The following CEP85L variants were observed in gnomAD, a reference collection of about 807,000 sequenced individuals.
The protein encoded by CEP85L is centrosomal protein of 85 kDa-like.
A neutral mutation model predicts 100.3 loss-of-function variants in CEP85L; 60 were observed. The observed-to-expected ratio is 0.60, with a 90% CI of 0.49 to 0.74. The LOEUF is 0.74. Ranked by LOEUF, CEP85L falls within the 30% of genes least tolerant of loss-of-function variation. The pLI, the probability that CEP85L is intolerant of heterozygous loss-of-function variation, is 0.00. For synonymous variants in CEP85L, 319 were observed against 322.7 expected (o/e 0.99, Z 0.12); for missense variants, 973 against 936.2 (o/e 1.04, Z -0.51).
At chr6:118,536,546 A>T (rs576970062) in intron 3 of CEP85L, among the ~76,000 whole-genome samples, 1 of 152,328 alleles carries the variant, frequency 6.6e-6, no homozygotes, top group East Asian at 1.9e-4. Context: ...AGGGAAATAA[A>T]GGCCTCATCT....
chr6:118,462,672 T>A lies in CEP85L; in HGVS notation c.*2733A>T, dbSNP rs1436470656. Reference sequence around the variant, plus strand: ...AATTTTCATTTCAGGAATATATTGGTGTCATAACTTCCACGAACATCCTAG... The same window carrying A: ...AATTTTCATTTCAGGAATATATTGGAGTCATAACTTCCACGAACATCCTAG... On this transcript the variant is annotated 3_prime_UTR_variant, in exon 13 of 13. Transcript: ENST00000368491. 1 of 151,964 alleles carries A rather than the reference T, an allele frequency of 6.6e-6. No individual in the cohort carries two copies. Among genetic ancestry groups the A allele is most frequent in the African/African-American group, 2.4e-5 (1 of 41,426 alleles). 9.4% of individuals were successfully genotyped at this position (151,964 alleles called of 1,614,324 possible).
chr6:118,576,271 G>C (rs1780227516), intron 2 of CEP85L, among the ~76,000 whole-genome samples: 1 of 152,262 alleles, frequency 6.6e-6, no homozygotes, highest in East Asian at 1.9e-4. Context: ...CTCCTAGCGA[G>C]ATTACATCCT....
chr6:118,493,990 A>G (rs767351172), intron 5 of CEP85L, among the ~76,000 whole-genome samples: 1 of 152,192 alleles, frequency 6.6e-6, no homozygotes, highest in Non-Finnish European at 1.5e-5. Context: ...TAAAATAAAA[A>G]GCTGAAAAAA....
rs12198461 is a variant in CEP85L at position 118,559,477 on chromosome 6, T to G, written c.1020+6052A>C. On this transcript the variant is annotated intron_variant, in intron 3 of 12. Transcript: ENST00000368491. ...GGTGAATATAATTTATATTACAATGTAAAAGCTTCTTTAATACTAAGTATT... is the reference window on the plus strand; with the variant it reads ...GGTGAATATAATTTATATTACAATGGAAAAGCTTCTTTAATACTAAGTATT... 0.47 allele frequency: 110,980 copies of G among 233,892 alleles called. 27,328 individuals carry two copies. The highest frequency in any genetic ancestry group is 0.54 in the Non-Finnish European group (57,777 of 107,644). 14.5% of individuals were successfully genotyped at this position (233,892 alleles called of 1,614,324 possible). A position where few individuals can be genotyped will look rare whatever the true frequency, so the allele number is the denominator to read the frequency against.
chr6:118,589,843 G>C (rs1266356136), intron 2 of CEP85L, among the ~76,000 whole-genome samples: 1 of 152,198 alleles, frequency 6.6e-6, no homozygotes, highest in Non-Finnish European at 1.5e-5. Flanking sequence ...TTCTTACAGT[G>C]TGCCATCCTG....
intron 3 of CEP85L, among the ~76,000 whole-genome samples, chr6:118,552,749 C>T (rs955037018): frequency 6.6e-6 from 1 of 151,752 alleles, no homozygotes; most frequent in Non-Finnish European, 1.5e-5. Context: ...GTAAAGAATT[C>T]TTTATTTTTA....
intron 5 of CEP85L, among the ~76,000 whole-genome samples, chr6:118,509,025 G>T (rs995899431): frequency 6.6e-6 from 1 of 151,880 alleles, no homozygotes; most frequent in Non-Finnish European, 1.5e-5. Context: ...GATTTTCCTT[G>T]TATTCTCTTT....
intron 10 of CEP85L, among the ~76,000 whole-genome samples, chr6:118,472,589 A>AT (rs1773047762): frequency 6.6e-6 from 1 of 152,174 alleles, no homozygotes; most frequent in African/African-American, 2.4e-5. Context: ...ACTGTGCGTT[A>AT]TTTTATAAAT....
At chr6:118,570,912 G>GCA (rs145594923) in intron 2 of CEP85L, among the ~76,000 whole-genome samples, 6 of 150,772 alleles carry the variant, frequency 4.0e-5, no homozygotes, top group South Asian at 4.2e-4. Context: ...ACATACATAT[G>GCA]CACACACACA....
chr6:118,672,100 G>T (rs1013353793), intron 1 of CEP85L, among the ~76,000 whole-genome samples: 1 of 152,086 alleles, frequency 6.6e-6, no homozygotes, highest in Non-Finnish European at 1.5e-5. Flanking sequence ...GCAGTGGTGC[G>T]ATCTCAGCTC....
chr6:118,515,050 A>T (rs1188057526), intron 4 of CEP85L, among the ~76,000 whole-genome samples: 1 of 151,638 alleles, frequency 6.6e-6, no homozygotes, highest in Non-Finnish European at 1.5e-5. Context: ...GCTTCAAGTG[A>T]TCTTCCCGCC....
At position 118,462,087 on chromosome 6, in the gene CEP85L, C is replaced by T. The variant is rs1211107488; in HGVS notation, c.*3318G>A. On this transcript the variant is annotated 3_prime_UTR_variant, in exon 13 of 13. Coordinates refer to ENST00000368491, the MANE Select transcript of CEP85L (RefSeq NM_001042475.3). ...TTACTTTATAAGCTCCTTAGTATAT[C>T]AGAAATGTATGACATTCATTTTAGC... 6.6e-6 allele frequency: 1 copy of T among 151,972 alleles called. No individual in the cohort carries two copies. Among genetic ancestry groups the T allele is most frequent in the African/African-American group, 2.4e-5 (1 of 41,420 alleles). 9.4% of individuals were successfully genotyped at this position (151,972 alleles called of 1,614,324 possible).
At chr6:118,507,845 T>C (rs1775746459) in intron 5 of CEP85L, among the ~76,000 whole-genome samples, 1 of 152,102 alleles carries the variant, frequency 6.6e-6, no homozygotes, top group African/African-American at 2.4e-5. Flanking sequence ...GCTTCTATGT[T>C]CATAGCTGGG....
intron 5 of CEP85L, chr6:118,502,351 G>A (rs569173545): frequency 3.4e-4 from 179 of 521,030 alleles, no homozygotes; most frequent in Non-Finnish European, 5.8e-4. Context: ...CTGGCCCCAT[G>A]CCAAGATTAC....
At position 118,528,649 on chromosome 6, in the gene CEP85L, T is replaced by C. The variant is rs371040125; in HGVS notation, c.1021-4729A>G. ...AAACCTGACATCCTACCAAACGCTG[T>C]AGGTTGACTTAAAAGTAATTTTTTA... On this transcript the variant is annotated intron_variant, in intron 3 of 12. Transcript: ENST00000368491. Among the ~76,000 whole-genome samples, 7 of 152,268 alleles carry C rather than the reference T, an allele frequency of 4.6e-5. No individual in the cohort carries two copies. The East Asian group carries it at 7.7e-4, about 17-fold the overall frequency.
chr6:118,619,809 T>G (rs1402770262), intron 2 of CEP85L, among the ~76,000 whole-genome samples: 2 of 152,196 alleles, frequency 1.3e-5, no homozygotes, highest in Non-Finnish European at 2.9e-5. Flanking sequence ...TGCTCCTTGA[T>G]CAGACCTTAA....
chr6:118,631,130 GATA>G (rs1774118773), intron 2 of CEP85L, among the ~76,000 whole-genome samples: 1 of 152,114 alleles, frequency 6.6e-6, no homozygotes, highest in African/African-American at 2.4e-5. Context: ...ACTAGTAGGA[GATA>G]ATGACATTGG....
At chr6:118,503,385 A>C (rs1319401014) in intron 5 of CEP85L, among the ~76,000 whole-genome samples, 1 of 152,192 alleles carries the variant, frequency 6.6e-6, no homozygotes, top group Non-Finnish European at 1.5e-5. Flanking sequence ...CTATAGATTC[A>C]ACACAATCCC....
At chr6:118,640,829 T>G (rs1774816713) in intron 1 of CEP85L, among the ~76,000 whole-genome samples, 1 of 152,166 alleles carries the variant, frequency 6.6e-6, no homozygotes, top group South Asian at 2.1e-4. Context: ...GCACCTGGCC[T>G]GTAAATATAT....
Sources: gnomAD v4.1 joint callset for allele counts (sites outside exome capture counted in the v4.1 genomes callset) on GRCh38, gnomAD v4.1.1 for gene constraint, MANE v1.5 for transcripts, NCBI Gene and HGNC (gene_info 2026-07-23, HGNC 2026-07-21) for gene names.